ZC3H13: variants seen among roughly 807,000 people sequenced by gnomAD.
The protein encoded by ZC3H13 is zinc finger CCCH-type containing 13, also known as zinc finger CCCH domain-containing protein 13.
A neutral mutation model predicts 204.1 loss-of-function variants in ZC3H13; 64 were observed. The ratio of observed to expected loss-of-function variants is 0.31; its 90% CI spans 0.26 to 0.39. ZC3H13 has a LOEUF of 0.39. ZC3H13 is among the 10% of genes least tolerant of loss of function. ZC3H13 has a pLI of 1.00. For synonymous variants in ZC3H13, 667 were observed against 693.7 expected, an observed-to-expected ratio of 0.96 and a Z score of 0.60; for missense variants, 1,833 against 2,082.7, an observed-to-expected ratio of 0.88 and a Z score of 2.33.
chr13:45,970,914 A>G (rs1037557221), intron 12 of ZC3H13, among the ~76,000 whole-genome samples: 7 of 152,210 alleles, frequency 4.6e-5, no homozygotes, highest in Admixed American at 4.6e-4. Flanking sequence ...TAACTACATT[A>G]GTTATTACGC....
At chr13:46,018,543 T>G (rs1235361534) in intron 5 of ZC3H13, among the ~76,000 whole-genome samples, 2 of 152,106 alleles carry the variant, frequency 1.3e-5, no homozygotes, top group East Asian at 3.9e-4. Flanking sequence ...GAAGGAGGCC[T>G]CTTACACAGA....
chr13:46,017,718 T>C (rs566259358), intron 5 of ZC3H13, among the ~76,000 whole-genome samples: 1 of 152,202 alleles, frequency 6.6e-6, no homozygotes, highest in Non-Finnish European at 1.5e-5. Flanking sequence ...AATATACCAA[T>C]TTTTTCTGAA....
chr13:46,032,476 A>G (rs1328263309), intron 4 of ZC3H13, among the ~76,000 whole-genome samples: 1 of 152,138 alleles, frequency 6.6e-6, no homozygotes, highest in Non-Finnish European at 1.5e-5. Flanking sequence ...CTATGATGAA[A>G]TAACATTTTT....
Position 45,955,782 on chromosome 13 carries a change from T to A in ZC3H13, c.*1345A>T, listed in dbSNP as rs1008135896. 10 of 152,296 alleles carry A rather than the reference T, an allele frequency of 6.6e-5. No individual in the cohort carries two copies. The East Asian group carries it at 1.7e-3, about 26-fold the overall frequency. 9.4% of individuals were successfully genotyped at this position (152,296 alleles called of 1,614,324 possible). ...AATTATACATGCTTTCAAAGTCATTTGAAAGTAAGACCATTTCCTTTGGCA... is the reference window on the plus strand; with the variant it reads ...AATTATACATGCTTTCAAAGTCATTAGAAAGTAAGACCATTTCCTTTGGCA... On this transcript the variant is annotated 3_prime_UTR_variant, in exon 19 of 19. Transcript: ENST00000679008.
chr13:46,030,485 A>C (rs2042824758), intron 4 of ZC3H13, among the ~76,000 whole-genome samples: 1 of 152,250 alleles, frequency 6.6e-6, no homozygotes, highest in South Asian at 2.1e-4. Context: ...AACTAACAGA[A>C]GAACTTCAGG....
intron 17 of ZC3H13, chr13:45,963,196 T>C (rs1174524220): frequency 1.0e-6 from 1 of 978,320 alleles, no homozygotes; most frequent in East Asian, 1.1e-4. Context: ...CAGTAAGTGG[T>C]GTGCCTACTG....
intron 4 of ZC3H13, among the ~76,000 whole-genome samples, chr13:46,038,453 T>C (rs2043351509): frequency 1.3e-5 from 2 of 152,222 alleles, no homozygotes; most frequent in South Asian, 4.1e-4. Flanking sequence ...CATTTATGAA[T>C]TTGATAACCA....
chr13:46,024,495 C>A (rs902774091), intron 4 of ZC3H13, among the ~76,000 whole-genome samples: 3 of 152,110 alleles, frequency 2.0e-5, no homozygotes, highest in Non-Finnish European at 4.4e-5. Context: ...TATTTCACTG[C>A]CTTTTAGCTT....
intron 5 of ZC3H13, among the ~76,000 whole-genome samples, chr13:46,019,979 A>G (rs1269695753): frequency 2.0e-5 from 3 of 152,104 alleles, no homozygotes; most frequent in African/African-American, 7.2e-5. Context: ...TTTTTTTGCT[A>G]ATTTTTTATT....
chr13:46,016,243 G>A (rs1484098564), intron 5 of ZC3H13, among the ~76,000 whole-genome samples: 2 of 152,232 alleles, frequency 1.3e-5, no homozygotes, highest in Admixed American at 6.5e-5. Context: ...AAATTGATAT[G>A]TGTCTGTACA....
At chr13:46,038,106 T>C (rs538192494) in intron 4 of ZC3H13, among the ~76,000 whole-genome samples, 3 of 152,310 alleles carry the variant, frequency 2.0e-5, no homozygotes, top group Admixed American at 6.5e-5. Flanking sequence ...CTTTTCTCTA[T>C]TGCTAAACTG....
chr13:45,965,413 C>A lies in ZC3H13; in HGVS notation c.4341G>T (p.Lys1447Asn), dbSNP rs1014322929. ...AGCCTAATGAATGTGCATCATCTAA[C>A]TTGGACTCGTCATCTCCTGCTAAAT... The part of the protein sequence containing the change: ...ESLEAGDDES[K>N]LDDAHSLGSG... Residue 1447 changes from lysine (K) to asparagine (N), a missense_variant, in exon 16 of 19, where the codon AAG (lysine) becomes AAT (asparagine). This residue lies in a region of ZC3H13 where 1,574 missense variants were observed against 1,757.2 expected (regional missense o/e 0.90). Coordinates refer to ENST00000679008, the MANE Select transcript of ZC3H13 (RefSeq NM_001330564.2). The A allele has an allele frequency of 6.2e-7, 1 of 1,613,110 alleles. No individual in the cohort carries two copies. The highest frequency in any genetic ancestry group is 1.3e-5 in the African/African-American group (1 of 74,844).
At chr13:46,024,765 T>C (rs1276548259) in intron 4 of ZC3H13, among the ~76,000 whole-genome samples, 1 of 151,924 alleles carries the variant, frequency 6.6e-6, no homozygotes, top group Non-Finnish European at 1.5e-5. Flanking sequence ...ACTAGATGCA[T>C]ATTGAATTTT....
rs749436962 is a variant in ZC3H13, at chr13:45,988,759, A to T, written c.1255+28T>A. The T allele has an allele frequency of 6.4e-6, 10 of 1,566,364 alleles. No homozygotes were observed. In the Admixed American group the frequency reaches 1.7e-4, roughly 26 times the overall value. Reference sequence around the variant, plus strand: ...ATAAAGCTGGATGTTCAATTTTTCAATTAAAAAAATCAAAGTACAGTACAC... The same window carrying T: ...ATAAAGCTGGATGTTCAATTTTTCATTTAAAAAAATCAAAGTACAGTACAC... On this transcript the variant is annotated intron_variant, in intron 9 of 18. Transcript: ENST00000679008.
At chr13:46,019,550 G>T (rs1177861689) in intron 5 of ZC3H13, among the ~76,000 whole-genome samples, 1 of 152,038 alleles carries the variant, frequency 6.6e-6, no homozygotes, top group Non-Finnish European at 1.5e-5. Flanking sequence ...CCCACTCAAT[G>T]CATTTAACAA....
intron 17 of ZC3H13, among the ~76,000 whole-genome samples, chr13:45,960,982 T>C (rs181853343): frequency 1.4e-4 from 22 of 152,244 alleles, no homozygotes; most frequent in African/African-American, 4.8e-4. Flanking sequence ...TGTAAATATA[T>C]AGAAAAGCCC....
In ZC3H13 at chr13:45,970,341, C is replaced by G. The variant is rs202213693; in HGVS notation, c.2572+21G>C. 32 of 1,608,950 alleles carry G rather than the reference C, an allele frequency of 2.0e-5. No homozygotes were observed. In the African/African-American group the frequency reaches 3.7e-4, roughly 19 times the overall value. On this transcript the variant is annotated intron_variant, in intron 13 of 18. Coordinates refer to ENST00000679008, the MANE Select transcript of ZC3H13 (RefSeq NM_001330564.2). ...ACAAATGAATATGAATATAGAGAGA[C>G]AGAAAACAGAGTCTGCTTACTTTTA...
intron 7 of ZC3H13, among the ~76,000 whole-genome samples, chr13:46,006,141 A>T (rs2041132662): frequency 1.3e-5 from 2 of 151,188 alleles, no homozygotes; most frequent in Non-Finnish European, 1.5e-5. Context: ...AAACTGGCTC[A>T]TCTGATCTTG....
chr13:45,988,783 AC>A lies in ZC3H13; in HGVS notation c.1255+3del. 6.2e-7 allele frequency: 1 copy of A among 1,610,072 alleles called. No individual in the cohort carries two copies. Among genetic ancestry groups the A allele is most frequent in the East Asian group, 2.2e-5 (1 of 44,794 alleles). On this transcript the variant is annotated splice_donor_region_variant and intron_variant, in intron 9 of 18. Coordinates refer to ENST00000679008, the MANE Select transcript of ZC3H13 (RefSeq NM_001330564.2). ...AATTAAAAAAATCAAAGTACAGTAC[AC>A]ACCTTCCCTCCTTTCATGGCGTCGA... is the stretch of plus-strand genomic sequence containing the variant.
Sources: allele counts gnomAD v4.1 joint callset (sites outside exome capture counted in the v4.1 genomes callset), GRCh38; gene constraint gnomAD v4.1.1; regional missense constraint gnomAD v4.1.1; transcripts MANE v1.5; gene names NCBI Gene and HGNC (gene_info 2026-07-23, HGNC 2026-07-21).